Variants in SMG1 observed in about 807,000 individuals in gnomAD.
SMG1 encodes the protein SMG1 nonsense mediated mRNA decay associated PI3K related kinase, also known as serine/threonine-protein kinase SMG1.
SMG1 carries 22 observed loss-of-function variants against 419.9 expected under a neutral mutation model. The ratio of observed to expected loss-of-function variants is 0.05; its 90% CI spans 0.04 to 0.07. SMG1 has a LOEUF of 0.07. Among genes scored for constraint, SMG1 ranks in the 10% least tolerant of loss-of-function variants. The pLI is 1.00. For missense variants in SMG1, 3,185 were observed against 4,342.0 expected, an observed-to-expected ratio of 0.73 and a Z score of 7.49; for synonymous variants, 1,538 against 1,553.5, an observed-to-expected ratio of 0.99 and a Z score of 0.23.
Position 18,853,626 on chromosome 16 carries a change from A to G in SMG1, c.4725T>C (p.Asn1575=). 1 of 1,609,692 alleles carries G rather than the reference A, an allele frequency of 6.2e-7. No individual in the cohort carries two copies. Among genetic ancestry groups the G allele is most frequent in the Non-Finnish European group, 8.5e-7 (1 of 1,177,540 alleles). The change falls in exon 31 of 63, where the codon AAT becomes AAC. Residue 1575 remains asparagine, a synonymous_variant. Coordinates refer to ENST00000446231, the MANE Select transcript of SMG1 (RefSeq NM_015092.5). ...ILTLIELPSV[N]TMEEEYPRIE... ...TCCGAGGATACTCTTCTTCCATCGT[A>G]TTAACAGATGGCAGTTCTATTAGAG... is the stretch of plus-strand genomic sequence containing the variant.
rs1452277272 is a variant in SMG1 at position 18,805,876 on chromosome 16, A to C, written c.*3693T>G. The stretch of plus-strand genomic sequence containing the variant: ...TGCTTAAATGTGCGAATAGTAAAGC[A>C]TTCACTGATATTTGATGTATCTGAA... On this transcript the variant is annotated 3_prime_UTR_variant, in exon 63 of 63. Transcript: ENST00000446231. The C allele has an allele frequency of 6.6e-6, 1 of 152,632 alleles. No homozygotes were observed. Among genetic ancestry groups the C allele is most frequent in the East Asian group, 1.9e-4 (1 of 5,204 alleles). The allele number at this position is 152,632 out of a possible 1,614,324, so 9.5% of individuals were successfully genotyped here. A position where few individuals can be genotyped will look rare whatever the true frequency, so the allele number is the denominator to read the frequency against.
chr16:18,884,859 C>G, intron 8 of SMG1: 1 of 521,756 alleles, frequency 1.9e-6, no homozygotes, highest in Non-Finnish European at 3.4e-6. Context: ...CCTACCAGTA[C>G]AAACTACAAA....
At chr16:18,885,312 G>A in intron 7 of SMG1, 150 bp from the exon 8 acceptor site, 2 of 646,714 alleles carry the variant, frequency 3.1e-6, no homozygotes, top group East Asian at 5.4e-5. Context: ...AGAGGGGCAG[G>A]AAAATAAAAG....
Position 18,835,056 on chromosome 16 carries a change from A to G in SMG1, c.8166T>C (p.Ile2722=). Residue 2722 remains isoleucine, a synonymous_variant, in exon 49 of 63, where the codon ATT becomes ATC. Coordinates refer to ENST00000446231, the MANE Select transcript of SMG1 (RefSeq NM_015092.5). ...RYAADINSRL[I]RQVERLKQEA... is the part of the protein sequence containing the mutation. The stretch of plus-strand genomic sequence containing the variant: ...CCTGTTTCAAGCGTTCCACTTGTCT[A>G]ATAAGTCTGCTGTTGATGTCTGCTG... 1 of 1,614,014 alleles carries G rather than the reference A, an allele frequency of 6.2e-7. No individual in the cohort carries two copies.
At chr16:18,908,932 G>C (rs1298399646) in intron 1 of SMG1, among the ~76,000 whole-genome samples, 1 of 151,346 alleles carries the variant, frequency 6.6e-6, no homozygotes, top group African/African-American at 2.4e-5. Context: ...CCTGAAAATA[G>C]ATAATAACTG....
intron 3 of SMG1, among the ~76,000 whole-genome samples, chr16:18,893,821 G>A (rs978759861): frequency 5.3e-5 from 8 of 152,106 alleles, no homozygotes; most frequent in African/African-American, 1.9e-4. Context: ...ACTTTGGGAG[G>A]CCGAGGAAGG....
At chr16:18,882,392 A>T (rs1367101884) in intron 9 of SMG1, 54 bp from the exon 10 acceptor site, 8 of 1,027,078 alleles carry the variant, frequency 7.8e-6, no homozygotes, top group Middle Eastern at 3.4e-4. Context: ...TTAAATAAAA[A>T]AAAAAAAAAC....
rs1229508185 is a variant in SMG1 at position 18,834,381 on chromosome 16, C to T, written c.8388G>A (p.Leu2796=). 2.5e-6 allele frequency: 4 copies of T among 1,613,796 alleles called. No individual in the cohort carries two copies. The African/African-American group carries it at 5.3e-5, about 22-fold the overall frequency. ...AGAACCAGGCTCCATCCCGAGAAGTCAGATCAACCAGCTGTTCTCCAGCAC... is the reference window on the plus strand; with the variant it reads ...AGAACCAGGCTCCATCCCGAGAAGTTAGATCAACCAGCTGTTCTCCAGCAC... The part of the protein sequence containing the change: ...ASSAGEQLVD[L]TSRDGAWFLE... Residue 2796 remains leucine (L), a synonymous_variant, in exon 50 of 63, where the codon CTG becomes CTA. Coordinates refer to ENST00000446231, the MANE Select transcript of SMG1 (RefSeq NM_015092.5).
At chr16:18,843,916 T>A (rs1464321161) in intron 39 of SMG1, among the ~76,000 whole-genome samples, 4 of 152,172 alleles carry the variant, frequency 2.6e-5, no homozygotes, top group Non-Finnish European at 5.9e-5. Context: ...TTTTTTGAGC[T>A]GTACTATATC....
chr16:18,879,230 C>A (rs1267405541), intron 11 of SMG1: 4 of 450,156 alleles, frequency 8.9e-6, no homozygotes, highest in South Asian at 4.1e-5. Flanking sequence ...ATCCTCCTCC[C>A]TCAGCCTCCC....
At chr16:18,819,106 G>A (rs745638332) in intron 56 of SMG1, among the ~76,000 whole-genome samples, 8 of 151,336 alleles carry the variant, frequency 5.3e-5, no homozygotes, top group African/African-American at 1.7e-4. Flanking sequence ...CGTAAGCCAC[G>A]GCGCCTGGCC....
chr16:18,913,282 C>T (rs1347427448), intron 1 of SMG1, among the ~76,000 whole-genome samples: 1 of 152,036 alleles, frequency 6.6e-6, no homozygotes, highest in South Asian at 2.1e-4. Context: ...GGAATATAAA[C>T]CAGGGACACC....
At chr16:18,873,051 G>A (rs1428928642) in intron 13 of SMG1, among the ~76,000 whole-genome samples, 1 of 152,014 alleles carries the variant, frequency 6.6e-6, no homozygotes, top group African/African-American at 2.4e-5. Flanking sequence ...CTACTCGGGA[G>A]GCTGAGGCAG....
chr16:18,914,166 CA>C (rs34200283), intron 1 of SMG1, among the ~76,000 whole-genome samples: 178 of 108,328 alleles, frequency 1.6e-3, no homozygotes, highest in Middle Eastern at 4.9e-3. Context: ...AACTCCATCT[CA>C]AAAAAAAAAA....
chr16:18,809,850 G>T (rs1373622596), intron 62 of SMG1, among the ~76,000 whole-genome samples: 6 of 151,950 alleles, frequency 3.9e-5, no homozygotes, highest in African/African-American at 1.5e-4. Flanking sequence ...TTTAAAAAGA[G>T]AGCTAAGACA....
chr16:18,830,157 GAC>G (rs1319555660), intron 52 of SMG1, 42 bp from the exon 53 acceptor site: 1 of 1,605,798 alleles, frequency 6.2e-7, no homozygotes, highest in Non-Finnish European at 8.5e-7. Context: ...CTCCACTCTT[GAC>G]ACAACTGAAC....
rs1396049029 is a variant in SMG1 at position 18,907,640 on chromosome 16, G to T, written c.93-10684C>A. On this transcript the variant is annotated intron_variant, in intron 1 of 62. Coordinates refer to ENST00000446231, the MANE Select transcript of SMG1 (RefSeq NM_015092.5). ...CGAGGCGGGCGGATCATGAGGTCAG[G>T]AGTTCGAGACCAGCCTGACCAACAT... 6.6e-5 allele frequency among the ~76,000 whole-genome samples: 10 copies of T among 151,990 alleles called. 1 individual carries two copies. The highest frequency in any genetic ancestry group is 6.6e-4 in the Admixed American group (10 of 15,248).
chr16:18,817,341 G>C lies in SMG1; in HGVS notation c.10024C>G (p.Gln3342Glu). 1 of 1,612,536 alleles carries C rather than the reference G, an allele frequency of 6.2e-7. No individual in the cohort carries two copies. The highest frequency in any genetic ancestry group is 8.5e-7 in the Non-Finnish European group (1 of 1,179,288). Residue 3342 changes from glutamine (Q) to glutamate (E), a missense_variant, in exon 57 of 63, where the codon CAG (glutamine) becomes GAG (glutamate). By Grantham distance (29) the Gln-to-Glu change is conservative. Transcript: ENST00000446231. ...RCQQMCSFASQFNSSVSELEL... is the reference protein window; with the variant it reads ...RCQQMCSFASEFNSSVSELEL... ...AACTCAGACACTGAACTGTTAAACT[G>C]TGATGCAAACGAACACATCTGCTGA... is the stretch of plus-strand genomic sequence containing the variant.
intron 22 of SMG1, 39 bp from the exon 23 acceptor site, chr16:18,866,814 T>C (rs763152872): frequency 4.5e-6 from 7 of 1,564,534 alleles, no homozygotes; most frequent in South Asian, 4.4e-5. Flanking sequence ...CCCAATACCA[T>C]TAAAACATAA....
Sources: gnomAD v4.1 joint callset for allele counts (sites outside exome capture counted in the v4.1 genomes callset) on GRCh38, gnomAD v4.1.1 for gene constraint, MANE v1.5 for transcripts, NCBI Gene and HGNC (gene_info 2026-07-23, HGNC 2026-07-21) for gene names.